Variants in ARHGAP20 observed in about 807,000 individuals in gnomAD.
The protein encoded by ARHGAP20 is Rho GTPase activating protein 20, also known as rho GTPase-activating protein 20.
A neutral mutation model predicts 73.7 loss-of-function variants in ARHGAP20; 34 were observed. That is an observed-to-expected ratio of 0.46 (90% confidence interval 0.35 to 0.61). The LOEUF (loss-of-function observed/expected upper bound fraction) is 0.61. Ranked by LOEUF, ARHGAP20 falls within the 20% of genes least tolerant of loss-of-function variation. The pLI, the probability that ARHGAP20 is intolerant of heterozygous loss-of-function variation, is 0.00. For missense variants in ARHGAP20, 1,314 were observed against 1,420.9 expected (o/e 0.92, Z 1.21); for synonymous variants, 523 against 518.2 (o/e 1.01, Z -0.13).
intron 2 of ARHGAP20, among the ~76,000 whole-genome samples, chr11:110,676,336 A>T (rs1200212207): frequency 2.0e-5 from 3 of 152,198 alleles, no homozygotes; most frequent in African/African-American, 7.2e-5. Flanking sequence ...GGTAATTTAT[A>T]AAGGAAAGAG....
chr11:110,614,597 G>C lies in ARHGAP20; in HGVS notation c.594C>G (p.Leu198=). ...TCCCAATGTCCTTGGCGAAGATTTT[G>C]AGGGGAATGCTCTTCGGGTAGTCCT... ...KEKDYPKSIP[L]KIFAKDIGNC... Residue 198 remains leucine (L), a synonymous_variant, in exon 6 of 15, where the codon CTC becomes CTG. Coordinates refer to ENST00000683387, the MANE Select transcript of ARHGAP20 (RefSeq NM_001384657.1). The C allele has an allele frequency of 6.2e-7, 1 of 1,613,096 alleles. No homozygotes were observed.
chr11:110,691,100 G>T, intron 1 of ARHGAP20: 2 of 929,466 alleles, frequency 2.2e-6, no homozygotes, highest in Non-Finnish European at 3.0e-6. Context: ...ACAGAGACTA[G>T]ATTTTTGCAT....
intron 1 of ARHGAP20, among the ~76,000 whole-genome samples, chr11:110,709,280 G>A (rs151314047): frequency 6.6e-6 from 1 of 152,272 alleles, no homozygotes; most frequent in East Asian, 1.9e-4. Flanking sequence ...TTCTGAGGAC[G>A]GGGCCATATC....
At chr11:110,598,081 C>T (rs1948015088) in intron 9 of ARHGAP20, among the ~76,000 whole-genome samples, 1 of 151,634 alleles carries the variant, frequency 6.6e-6, no homozygotes, top group Non-Finnish European at 1.5e-5. Flanking sequence ...GTTCTTAAAA[C>T]GTTGTGTTTA....
chr11:110,708,611 A>G (rs1950591943), intron 1 of ARHGAP20, among the ~76,000 whole-genome samples: 1 of 152,214 alleles, frequency 6.6e-6, no homozygotes, highest in Admixed American at 6.5e-5. Context: ...ATTGTATTGA[A>G]TGAAACAAGC....
In ARHGAP20 at chr11:110,580,100, G is replaced by A; in HGVS notation, c.2846C>T (p.Ser949Leu). Reference sequence around the variant, plus strand: ...AAAAGCACTGTCTTGGGAGCTTACTGATGAGCCGGATGGGGAAGTGCCTGG... The same window carrying A: ...AAAAGCACTGTCTTGGGAGCTTACTAATGAGCCGGATGGGGAAGTGCCTGG... ...SSPGTSPSGS[S>L]VSSQDSAFSQ... Residue 949 changes from serine (S) to leucine (L), a missense_variant, in exon 15 of 15, where the codon TCA (serine) becomes TTA (leucine). By Grantham distance (145) the Ser-to-Leu change is moderately radical. This residue lies in a region of ARHGAP20 where 641 missense variants were observed against 636.9 expected (regional missense o/e 1.01). Transcript: ENST00000683387. 1 of 1,614,204 alleles carries A rather than the reference G, an allele frequency of 6.2e-7. No homozygotes were observed. Among genetic ancestry groups the A allele is most frequent in the Non-Finnish European group, 8.5e-7 (1 of 1,180,026 alleles).
chr11:110,629,312 A>T (rs988497755), intron 3 of ARHGAP20, among the ~76,000 whole-genome samples: 17 of 152,326 alleles, frequency 1.1e-4, no homozygotes, highest in Admixed American at 1.1e-3. Context: ...TCAGTGTTCA[A>T]TATCTGAAAC....
intron 1 of ARHGAP20, among the ~76,000 whole-genome samples, chr11:110,710,326 G>A (rs1591200352): frequency 2.0e-5 from 3 of 152,160 alleles, no homozygotes; most frequent in South Asian, 2.1e-4. Flanking sequence ...TAAAAAGAAT[G>A]TGGGAAAAGA....
At chr11:110,641,625 C>T (rs1949080537) in intron 2 of ARHGAP20, among the ~76,000 whole-genome samples, 1 of 151,854 alleles carries the variant, frequency 6.6e-6, no homozygotes, top group Non-Finnish European at 1.5e-5. Flanking sequence ...CCCCCCAACC[C>T]TCAGAGGCTG....
At chr11:110,672,468 T>C (rs1949848418) in intron 2 of ARHGAP20, among the ~76,000 whole-genome samples, 1 of 151,620 alleles carries the variant, frequency 6.6e-6, no homozygotes, top group African/African-American at 2.4e-5. Flanking sequence ...ACCCACCAGA[T>C]GGCTAATTTT....
rs1003107974 is a variant in ARHGAP20 at position 110,595,746 on chromosome 11, T to C, written c.965-3591A>G. Among the ~76,000 whole-genome samples the C allele has an allele frequency of 5.3e-4, 80 of 152,166 alleles. 2 individuals are homozygous for C. In the East Asian group the frequency reaches 0.012, roughly 24 times the overall value. ...AGGTAATTTATAGATTCAATGCCAT[T>C]CCCATCAAGCTACCAATGACTTTCT... is the stretch of plus-strand genomic sequence containing the variant. On this transcript the variant is annotated intron_variant, in intron 9 of 14. Transcript: ENST00000683387.
intron 4 of ARHGAP20, among the ~76,000 whole-genome samples, chr11:110,620,093 G>A (rs1035607112): frequency 3.9e-5 from 6 of 152,062 alleles, no homozygotes; most frequent in African/African-American, 1.4e-4. Flanking sequence ...GTGTAGTAGT[G>A]CAATCACAGC....
At chr11:110,627,256 T>C (rs542486698) in intron 3 of ARHGAP20, among the ~76,000 whole-genome samples, 1 of 152,012 alleles carries the variant, frequency 6.6e-6, no homozygotes, top group East Asian at 1.9e-4. Context: ...GCCCGGCTAA[T>C]TTTTTTGTAT....
intron 6 of ARHGAP20, 95 bp downstream of exon 6, chr11:110,614,466 A>AGCCTGCCT (rs151296059): frequency 1.8e-6 from 2 of 1,141,868 alleles, no homozygotes; most frequent in African/African-American, 3.2e-5. Context: ...ATACACAGTT[A>AGCCTGCCT]GCCTGCCTGC....
Position 110,580,320 on chromosome 11 carries a change from C to T in ARHGAP20, c.2626G>A (p.Gly876Ser). Residue 876 changes from glycine (G) to serine (S), a missense_variant, in exon 15 of 15, where the codon GGT becomes AGT. Coordinates refer to ENST00000683387, the MANE Select transcript of ARHGAP20 (RefSeq NM_001384657.1). ...TAATCCTCCTCTCCATGCAAGAGAC[C>T]AGCTTCACAGCTGGTTTTATGTTGT... ...KKQHKTSCEA[G>S]LLHGEEDYLK... is the part of the protein sequence containing the mutation. The T allele has an allele frequency of 6.2e-7, 1 of 1,614,186 alleles. No individual in the cohort carries two copies. The highest frequency in any genetic ancestry group is 8.5e-7 in the Non-Finnish European group (1 of 1,180,036).
chr11:110,703,377 C>T (rs1950494198), intron 1 of ARHGAP20, among the ~76,000 whole-genome samples: 1 of 152,030 alleles, frequency 6.6e-6, no homozygotes, highest in South Asian at 2.1e-4. Flanking sequence ...GACATTGGAC[C>T]TTAATTCTGG....
At chr11:110,586,425 AC>A in intron 11 of ARHGAP20, 100 bp from the exon 12 acceptor site, 1 of 621,138 alleles carries the variant, frequency 1.6e-6, no homozygotes, top group Non-Finnish European at 2.6e-6. Flanking sequence ...TCCCTTACGT[AC>A]TCTCTTCTGT....
intron 2 of ARHGAP20, among the ~76,000 whole-genome samples, chr11:110,641,879 C>A (rs776718165): frequency 6.6e-6 from 1 of 151,974 alleles, no homozygotes; most frequent in African/African-American, 2.4e-5. Flanking sequence ...AAGTAAAATT[C>A]GTTTGGCTAC....
chr11:110,621,689 T>C (rs1362979520), intron 4 of ARHGAP20, among the ~76,000 whole-genome samples: 2 of 152,238 alleles, frequency 1.3e-5, no homozygotes, highest in African/African-American at 4.8e-5. Context: ...CTGCCATGCT[T>C]ACTTATGAAA....
Sources: gnomAD v4.1 joint callset for allele counts (sites outside exome capture counted in the v4.1 genomes callset) on GRCh38, gnomAD v4.1.1 for gene constraint, gnomAD v4.1.1 regional missense constraint, MANE v1.5 for transcripts, NCBI Gene and HGNC (gene_info 2026-07-23, HGNC 2026-07-21) for gene names.